PREX1: variants seen among roughly 807,000 people sequenced by gnomAD.
PREX1 encodes phosphatidylinositol-3,4,5-trisphosphate dependent Rac exchange factor 1, also known as phosphatidylinositol 3,4,5-trisphosphate-dependent Rac exchanger 1 protein.
A neutral mutation model predicts 198.3 loss-of-function variants in PREX1; 41 were observed. That is an observed-to-expected ratio of 0.21 (90% confidence interval 0.16 to 0.27). The LOEUF is 0.27. Ranked by LOEUF, PREX1 falls within the 10% of genes least tolerant of loss-of-function variation. The pLI is 1.00. For missense variants in PREX1, 1,620 were observed against 2,200.7 expected (o/e 0.74, Z 5.28); for synonymous variants, 843 against 887.2 (o/e 0.95, Z 0.89).
intron 35 of PREX1, among the ~76,000 whole-genome samples, chr20:48,631,295 G>A (rs1308606017): frequency 6.6e-6 from 1 of 152,252 alleles, no homozygotes; most frequent in East Asian, 1.9e-4. Context: ...GTGAAAATGA[G>A]TGAATGCAGG....
intron 1 of PREX1, among the ~76,000 whole-genome samples, chr20:48,767,325 T>C (rs931142932): frequency 1.3e-5 from 2 of 152,000 alleles, no homozygotes; most frequent in African/African-American, 4.8e-5. Context: ...GACCTGACTA[T>C]GGGACAGAGC....
chr20:48,666,206 G>A lies in PREX1; in HGVS notation c.1738+77C>T. 7.0e-7 allele frequency: 1 copy of A among 1,432,196 alleles called. No homozygotes were observed. Among genetic ancestry groups the A allele is most frequent in the Non-Finnish European group, 9.5e-7 (1 of 1,049,970 alleles). The allele number at this position is 1,432,196 out of a possible 1,614,324, so 88.7% of individuals were successfully genotyped here. A position where few individuals can be genotyped will look rare whatever the true frequency, so the allele number is the denominator to read the frequency against. On this transcript the variant is annotated intron_variant, in intron 15 of 39. Coordinates refer to ENST00000371941, the MANE Select transcript of PREX1 (RefSeq NM_020820.4). This position sits in a 1 kb window ranked among gnomAD's most constrained non-coding sequence, Gnocchi z 4.3. The stretch of plus-strand genomic sequence containing the variant: ...CTAGAGAGCCACAGACCTGGCTTCA[G>A]TCCTCCCATACTCCCCCAAACCATC...
At chr20:48,747,531 TG>T (rs767732102) in intron 2 of PREX1, among the ~76,000 whole-genome samples, 5 of 152,224 alleles carry the variant, frequency 3.3e-5, no homozygotes, top group East Asian at 3.9e-4. Context: ...CCCGGAAGAC[TG>T]GGGGGTCACA....
chr20:48,655,276 A>C lies in PREX1; in HGVS notation c.2209+14T>G, dbSNP rs201194579. 2 of 1,539,590 alleles carry C rather than the reference A, an allele frequency of 1.3e-6. No homozygotes were observed. Among genetic ancestry groups the C allele is most frequent in the East Asian group, 4.6e-5 (2 of 43,804 alleles). On this transcript the variant is annotated intron_variant, in intron 19 of 39. Coordinates refer to ENST00000371941, the MANE Select transcript of PREX1 (RefSeq NM_020820.4). The stretch of plus-strand genomic sequence containing the variant: ...TTCTGCACCTTTCCCCTCTCTCCCA[A>C]GGCTCCCACTCACCTCTCCCCACAG...
chr20:48,752,630 G>A (rs776462836), intron 1 of PREX1, among the ~76,000 whole-genome samples: 19 of 152,068 alleles, frequency 1.2e-4, no homozygotes, highest in Admixed American at 4.6e-4. Context: ...CTATCTCCCC[G>A]AGTGCCTTGA....
intron 3 of PREX1, among the ~76,000 whole-genome samples, chr20:48,737,695 C>T (rs1259693291): frequency 6.6e-6 from 1 of 152,164 alleles, no homozygotes; most frequent in Non-Finnish European, 1.5e-5. Context: ...GCCGCAAGAG[C>T]CCGCAAGGAC....
chr20:48,661,478 TATATA>T (rs2089594497), intron 15 of PREX1, among the ~76,000 whole-genome samples: 1 of 98,726 alleles, frequency 1.0e-5, no homozygotes, highest in African/African-American at 4.4e-5. Context: ...TACACACACA[TATATA>T]TAATATAATA....
the PREX1 span, among the ~76,000 whole-genome samples, chr20:48,864,096 G>C: frequency 6.6e-6 from 1 of 152,010 alleles, no homozygotes; most frequent in Admixed American, 6.6e-5. Flanking sequence ...AGTTTTTCTT[G>C]CCATTGGAAA....
chr20:48,811,417 A>AT (rs1377343842), intron 1 of PREX1, among the ~76,000 whole-genome samples: 2 of 152,192 alleles, frequency 1.3e-5, no homozygotes, highest in East Asian at 1.9e-4. Flanking sequence ...GGTTCTGATC[A>AT]TAAGTAAAAG....
intron 13 of PREX1, among the ~76,000 whole-genome samples, chr20:48,677,568 T>G (rs770751006): frequency 6.6e-6 from 1 of 152,260 alleles, no homozygotes; most frequent in Non-Finnish European, 1.5e-5. Flanking sequence ...GCTATTCTTA[T>G]GTCCACTTAA....
At chr20:48,744,384 G>T (rs1427040945) in intron 3 of PREX1, among the ~76,000 whole-genome samples, 1 of 152,196 alleles carries the variant, frequency 6.6e-6, no homozygotes, top group African/African-American at 2.4e-5. Flanking sequence ...GGCTCAGAGA[G>T]GCAAAGGAGT....
At chr20:48,723,747 C>T (rs1204140581) in intron 5 of PREX1, among the ~76,000 whole-genome samples, 3 of 152,212 alleles carry the variant, frequency 2.0e-5, no homozygotes, top group Non-Finnish European at 4.4e-5. Flanking sequence ...TCCTGGGAAT[C>T]CAGAGCCCAG....
At chr20:48,819,013 G>A (rs145442417) in intron 1 of PREX1, among the ~76,000 whole-genome samples, 4 of 152,306 alleles carry the variant, frequency 2.6e-5, no homozygotes, top group Middle Eastern at 6.8e-3. Flanking sequence ...AGAACCAGCC[G>A]TAGGTCACAG....
chr20:48,670,247 G>A (rs966017934), intron 14 of PREX1, among the ~76,000 whole-genome samples: 1 of 152,110 alleles, frequency 6.6e-6, no homozygotes, highest in Non-Finnish European at 1.5e-5. Flanking sequence ...TCTTCTCCCA[G>A]TAGTACCTCA....
rs1390896362 is a variant in PREX1, at chr20:48,827,196, A to C, written c.219+446T>G. ...GCTTCAGGTTTTATCCTACTCCATCAACGCGCAGGGACGTTGGGCTCTGGG... is the reference window on the plus strand; with the variant it reads ...GCTTCAGGTTTTATCCTACTCCATCCACGCGCAGGGACGTTGGGCTCTGGG... On this transcript the variant is annotated intron_variant, in intron 1 of 39. Transcript: ENST00000371941. The surrounding 1 kb of genome is among the most constrained non-coding windows in gnomAD (Gnocchi z 4.1). Among the ~76,000 whole-genome samples, 1 of 152,140 alleles carries C rather than the reference A, an allele frequency of 6.6e-6. No homozygotes were observed. Among genetic ancestry groups the C allele is most frequent in the Admixed American group, 6.5e-5 (1 of 15,286 alleles).
rs1334411204 is a variant in PREX1, at chr20:48,624,475, C to T, written c.*1410G>A. ...TATGCTGCGGCAAGAGAGGGAAGCG[C>T]ACCCTGGAGGGCGGGAGGCTCGGAT... On this transcript the variant is annotated 3_prime_UTR_variant, in exon 40 of 40. Coordinates refer to ENST00000371941, the MANE Select transcript of PREX1 (RefSeq NM_020820.4). 1 of 152,610 alleles carries T rather than the reference C, an allele frequency of 6.6e-6. No individual in the cohort carries two copies. Among genetic ancestry groups the T allele is most frequent in the Admixed American group, 6.5e-5 (1 of 15,284 alleles). 9.5% of individuals were successfully genotyped at this position (152,610 alleles called of 1,614,324 possible). A position where few individuals can be genotyped will look rare whatever the true frequency, so the allele number is the denominator to read the frequency against.
At chr20:48,775,798 C>A (rs1378858231) in intron 1 of PREX1, among the ~76,000 whole-genome samples, 1 of 152,188 alleles carries the variant, frequency 6.6e-6, no homozygotes, top group East Asian at 1.9e-4. Flanking sequence ...TTGCCTTCCA[C>A]CACGATTTTA....
intron 4 of PREX1, among the ~76,000 whole-genome samples, chr20:48,728,800 A>G (rs1001065350): frequency 4.6e-5 from 7 of 152,276 alleles, no homozygotes; most frequent in African/African-American, 1.7e-4. Flanking sequence ...AACACTCTAG[A>G]TTGTGGTTTC....
chr20:48,787,568 T>A (rs1309291421), intron 1 of PREX1, among the ~76,000 whole-genome samples: 3 of 149,696 alleles, frequency 2.0e-5, no homozygotes, highest in African/African-American at 4.9e-5. Context: ...TGGATTTATG[T>A]AAGCAGGACG....
Sources: allele counts gnomAD v4.1 joint callset (sites outside exome capture counted in the v4.1 genomes callset), GRCh38; gene constraint gnomAD v4.1.1; non-coding constraint Gnocchi (gnomAD v3.1); transcripts MANE v1.5; gene names NCBI Gene and HGNC (gene_info 2026-07-23, HGNC 2026-07-21).